The following SLIT1 variants were observed in gnomAD, a reference collection of about 807,000 sequenced individuals.
The protein encoded by SLIT1 is slit homolog 1 protein.
In SLIT1, 66 loss-of-function variants were observed where a neutral mutation model predicts 186.1. The ratio of observed to expected loss-of-function variants is 0.35; its 90% CI spans 0.29 to 0.44. The LOEUF (loss-of-function observed/expected upper bound fraction) is 0.44. SLIT1 is among the 20% of genes least tolerant of loss of function. The pLI is 1.00. For missense variants in SLIT1, 1,638 were observed against 2,037.4 expected, an observed-to-expected ratio of 0.80 and a Z score of 3.77; for synonymous variants, 761 against 833.8, an observed-to-expected ratio of 0.91 and a Z score of 1.50.
intron 18 of SLIT1, among the ~76,000 whole-genome samples, chr10:97,044,150 A>T (rs1848715652): frequency 6.6e-6 from 1 of 152,190 alleles, no homozygotes; most frequent in African/African-American, 2.4e-5. Context: ...GCCTGTAAAA[A>T]CAGCACTTTG....
intron 2 of SLIT1, 30 bp downstream of exon 2, chr10:97,164,789 G>C: frequency 6.5e-7 from 1 of 1,542,526 alleles, no homozygotes. Context: ...ATTGCCAGGG[G>C]TGGGGTGGGA....
chr10:97,146,311 T>C (rs1230250279), intron 4 of SLIT1, among the ~76,000 whole-genome samples: 2 of 152,186 alleles, frequency 1.3e-5, no homozygotes, highest in African/African-American at 4.8e-5. Context: ...AGGGTCTAAC[T>C]AGGAGGTGGT....
chr10:97,043,567 C>T lies in SLIT1; in HGVS notation c.1854-54G>A, dbSNP rs1848709573. 6.5e-7 allele frequency: 1 copy of T among 1,534,196 alleles called. No homozygotes were observed. Among genetic ancestry groups the T allele is most frequent in the Non-Finnish European group, 9.0e-7 (1 of 1,117,072 alleles). ...GACCCTTGCTGCCCTGCCAGCCATC[C>T]ACCTGGGCCACGCAGCTTCCGCCAT... On this transcript the variant is annotated intron_variant, in intron 18 of 36. Coordinates refer to ENST00000266058, the MANE Select transcript of SLIT1 (RefSeq NM_003061.3). The surrounding 1 kb of genome is among the most constrained non-coding windows in gnomAD (Gnocchi z 7.0).
At chr10:97,142,185 T>A (rs200647458) in intron 4 of SLIT1, among the ~76,000 whole-genome samples, 2 of 150,634 alleles carry the variant, frequency 1.3e-5, no homozygotes, top group Non-Finnish European at 3.0e-5. Flanking sequence ...TCTCTCTTCT[T>A]AAAAAAAAAC....
chr10:97,063,278 A>G (rs1378334546), intron 8 of SLIT1, among the ~76,000 whole-genome samples, 177 bp downstream of exon 8: 1 of 150,168 alleles, frequency 6.7e-6, no homozygotes, highest in African/African-American at 2.5e-5. Flanking sequence ...CAGGAGGGGC[A>G]GATAGTGGGG....
chr10:97,003,408 A>G (rs533920980), intron 34 of SLIT1, among the ~76,000 whole-genome samples: 1 of 152,312 alleles, frequency 6.6e-6, no homozygotes, highest in Non-Finnish European at 1.5e-5. Flanking sequence ...GTCCCTTCTC[A>G]GCAGCCCTCT....
intron 14 of SLIT1, among the ~76,000 whole-genome samples, chr10:97,048,730 G>A (rs998925132): frequency 6.6e-6 from 1 of 152,196 alleles, no homozygotes; most frequent in African/African-American, 2.4e-5. Flanking sequence ...CAGACAGGTA[G>A]GCAGGCAGGC....
intron 13 of SLIT1, among the ~76,000 whole-genome samples, chr10:97,049,501 A>C (rs774980696): frequency 6.6e-6 from 1 of 152,248 alleles, no homozygotes; most frequent in Non-Finnish European, 1.5e-5. Flanking sequence ...TTTCACAGGC[A>C]AGGAAGCCAA....
intron 4 of SLIT1, among the ~76,000 whole-genome samples, chr10:97,087,178 C>T (rs1322751688): frequency 3.3e-5 from 5 of 151,768 alleles, no homozygotes; most frequent in Non-Finnish European, 7.4e-5. Flanking sequence ...GCCGCCACCA[C>T]CCCCCAGCCC....
intron 4 of SLIT1, among the ~76,000 whole-genome samples, chr10:97,150,797 C>T (rs943807700): frequency 6.6e-6 from 1 of 152,152 alleles, no homozygotes; most frequent in Non-Finnish European, 1.5e-5. Flanking sequence ...TGGGCGGACA[C>T]CCTGCTCCCC....
At chr10:97,105,622 G>A (rs12268040) in intron 4 of SLIT1, among the ~76,000 whole-genome samples, 3,084 of 152,350 alleles carry the variant, frequency 0.02, 98 homozygotes, top group African/African-American at 0.068. Flanking sequence ...AGAGATGGCA[G>A]ATCAAACCGG....
At chr10:97,038,782 C>A (rs892586394) in intron 21 of SLIT1, among the ~76,000 whole-genome samples, 8 of 152,202 alleles carry the variant, frequency 5.3e-5, no homozygotes, top group Non-Finnish European at 8.8e-5. Flanking sequence ...CTGCATCATA[C>A]AAACTGACTT....
At position 97,027,918 on chromosome 10, in the gene SLIT1, G is replaced by T. The variant is rs1848560266; in HGVS notation, c.2582+2839C>A. 2.0e-5 allele frequency among the ~76,000 whole-genome samples: 3 copies of T among 152,290 alleles called. No individual in the cohort carries two copies. The South Asian group carries it at 6.2e-4, about 32-fold the overall frequency. On this transcript the variant is annotated intron_variant, in intron 25 of 36. Transcript: ENST00000266058. ...AGTACAAGAGATACATTAAGGGGGG[G>T]CGGAAATGCAAAGGTGTAAAATGTA...
intron 4 of SLIT1, among the ~76,000 whole-genome samples, chr10:97,096,697 G>A (rs1849294423): frequency 6.6e-6 from 1 of 152,014 alleles, no homozygotes; most frequent in South Asian, 2.1e-4. Flanking sequence ...AGAGAGGGGA[G>A]GCGGAGAGCC....
At chr10:97,137,660 C>T (rs944061465) in intron 4 of SLIT1, among the ~76,000 whole-genome samples, 2 of 152,112 alleles carry the variant, frequency 1.3e-5, no homozygotes, top group Non-Finnish European at 2.9e-5. Context: ...TCTCGGCTCA[C>T]TGCAGCCTCA....
At chr10:97,098,654 GGACCACT>G (rs1849317196) in intron 4 of SLIT1, among the ~76,000 whole-genome samples, 2 of 152,232 alleles carry the variant, frequency 1.3e-5, no homozygotes, top group Non-Finnish European at 2.9e-5. Flanking sequence ...CACAGCCACA[GGACCACT>G]GAAGACTTGA....
rs899179791 is a variant in SLIT1 at position 96,999,738 on chromosome 10, C to G, written c.*1374G>C. 4 of 152,466 alleles carry G rather than the reference C, an allele frequency of 2.6e-5. No individual in the cohort carries two copies. 9.4% of individuals were successfully genotyped at this position (152,466 alleles called of 1,614,324 possible). On this transcript the variant is annotated 3_prime_UTR_variant, in exon 37 of 37. Transcript: ENST00000266058. ...CCTCTTCTTCTTCCACCACTGGCTC[C>G]TTCGTTGCCAGCAACTCCCTGGCCT...
intron 4 of SLIT1, among the ~76,000 whole-genome samples, chr10:97,070,208 C>G (rs1179028081): frequency 2.0e-5 from 3 of 152,212 alleles, no homozygotes; most frequent in Non-Finnish European, 4.4e-5. Flanking sequence ...CCTACAGAGA[C>G]TGTGAGATGT....
At chr10:97,169,461 T>C (rs1179939652) in intron 1 of SLIT1, among the ~76,000 whole-genome samples, 2 of 152,218 alleles carry the variant, frequency 1.3e-5, no homozygotes, top group East Asian at 3.9e-4. Flanking sequence ...GCTGCTAGAA[T>C]AAGGCAAGGA....
Sources: allele counts gnomAD v4.1 joint callset (sites outside exome capture counted in the v4.1 genomes callset), GRCh38; gene constraint gnomAD v4.1.1; non-coding constraint Gnocchi (gnomAD v3.1); transcripts MANE v1.5; gene names NCBI Gene and HGNC (gene_info 2026-07-23, HGNC 2026-07-21).